The following PRKCB variants were observed in gnomAD, a reference collection of about 807,000 sequenced individuals.
PRKCB encodes the protein protein kinase C beta.
Under a neutral mutation model 81.5 loss-of-function variants are expected in PRKCB, and 13 were observed. That is an observed-to-expected ratio of 0.16 (90% CI 0.10 to 0.25). The LOEUF (loss-of-function observed/expected upper bound fraction) is 0.25. PRKCB is among the 10% of genes least tolerant of loss of function. The pLI is 1.00. For missense variants in PRKCB, 509 were observed against 875.7 expected (o/e 0.58, Z 5.29); for synonymous variants, 335 against 321.4 (o/e 1.04, Z -0.45).
At chr16:23,867,029 C>T (rs866542279) in intron 2 of PRKCB, among the ~76,000 whole-genome samples, 6 of 72,232 alleles carry the variant, frequency 8.3e-5, no homozygotes, top group African/African-American at 3.9e-4. Flanking sequence ...TCCTTCCTTC[C>T]TTCCTTCCTT....
chr16:23,946,024 A>C lies in PRKCB; in HGVS notation c.206-42484A>C, dbSNP rs376612087. ...TCATGTATATGACATACATCCTCTC[A>C]TTTTATGCTTGTAGCAACTCTGAAA... is the stretch of plus-strand genomic sequence containing the variant. On this transcript the variant is annotated intron_variant, in intron 2 of 16. Transcript: ENST00000643927. 3.9e-5 allele frequency among the ~76,000 whole-genome samples: 6 copies of C among 152,276 alleles called. No individual in the cohort carries two copies. In the South Asian group the frequency reaches 6.2e-4, roughly 16 times the overall value.
At chr16:24,126,806 GA>G (rs1966845140) in intron 9 of PRKCB, among the ~76,000 whole-genome samples, 1 of 151,868 alleles carries the variant, frequency 6.6e-6, no homozygotes, top group Non-Finnish European at 1.5e-5. Flanking sequence ...AAAGTGCTGG[GA>G]TTACAGACAT....
At chr16:24,046,744 G>C (rs1037868923) in intron 5 of PRKCB, among the ~76,000 whole-genome samples, 5 of 152,200 alleles carry the variant, frequency 3.3e-5, no homozygotes, top group African/African-American at 7.2e-5. Flanking sequence ...AGCCAGTTAG[G>C]CTTTGTGAGC....
At chr16:24,048,215 A>G (rs1211839875) in intron 5 of PRKCB, among the ~76,000 whole-genome samples, 1 of 152,138 alleles carries the variant, frequency 6.6e-6, no homozygotes, top group Non-Finnish European at 1.5e-5. Flanking sequence ...GTATAATCCT[A>G]TCAACAACCT....
chr16:24,193,468 T>TAATAA (rs1555501779), intron 16 of PRKCB, among the ~76,000 whole-genome samples: 1 of 103,554 alleles, frequency 9.7e-6, no homozygotes, highest in African/African-American at 4.1e-5. Context: ...AATAAATAAA[T>TAATAA]AAATAAATAA....
intron 9 of PRKCB, among the ~76,000 whole-genome samples, chr16:24,143,994 T>G (rs1362230396): frequency 6.6e-6 from 1 of 152,216 alleles, no homozygotes. Flanking sequence ...AAAACATTTC[T>G]CTTAGACCTA....
chr16:23,902,728 T>TCCTCCCTCCCTCCTTCCCTC lies in PRKCB; in HGVS notation c.205+65329_205+65330insCCCTCCTTCCCTCCCTCCCT, dbSNP rs1482776399. On this transcript the variant is annotated intron_variant, in intron 2 of 16. Coordinates refer to ENST00000643927, the MANE Select transcript of PRKCB (RefSeq NM_002738.7). Reference sequence around the variant, plus strand: ...CTCAAAAGTTTTTCCCTCCCTCCCTTCCTCCCTTCCTTCCTTCCTTCCTTC... The same window carrying TCCTCCCTCCCTCCTTCCCTC: ...CTCAAAAGTTTTTCCCTCCCTCCCTTCCTCCCTCCCTCCTTCCCTCCCTCCCTTCCTTCCTTCCTTCCTTC... Among the ~76,000 whole-genome samples the TCCTCCCTCCCTCCTTCCCTC allele has an allele frequency of 1.5e-4, 3 of 20,364 alleles. 1 individual carries two copies. The South Asian group carries it at 0.012, about 78-fold the overall frequency. The allele number at this position is 20,364 out of a possible 152,430, so 13.4% of individuals were successfully genotyped here. A position where few individuals can be genotyped will look rare whatever the true frequency, so the allele number is the denominator to read the frequency against.
At chr16:24,105,523 C>T (rs975216415) in intron 7 of PRKCB, among the ~76,000 whole-genome samples, 2 of 152,150 alleles carry the variant, frequency 1.3e-5, no homozygotes, top group African/African-American at 2.4e-5. Flanking sequence ...TTAATGCTCT[C>T]CCTCCCCTTG....
intron 2 of PRKCB, among the ~76,000 whole-genome samples, chr16:23,954,158 A>G (rs1246774467): frequency 6.6e-6 from 1 of 152,090 alleles, no homozygotes; most frequent in Non-Finnish European, 1.5e-5. Context: ...CATGTTGACC[A>G]GGCTGGTCTT....
chr16:24,043,634 A>G (rs1009959466), intron 5 of PRKCB, among the ~76,000 whole-genome samples: 1 of 152,066 alleles, frequency 6.6e-6, no homozygotes, highest in Non-Finnish European at 1.5e-5. Flanking sequence ...GGACCTAAGG[A>G]GATGTAGGGA....
At chr16:23,841,148 G>A (rs192037419) in intron 2 of PRKCB, among the ~76,000 whole-genome samples, 5 of 151,938 alleles carry the variant, frequency 3.3e-5, no homozygotes, top group East Asian at 1.9e-4. Context: ...GCACCATTTC[G>A]ACTCACGGTA....
chr16:24,035,260 T>G (rs868029011), intron 4 of PRKCB, among the ~76,000 whole-genome samples, 159 bp from the exon 5 acceptor site: 1 of 152,172 alleles, frequency 6.6e-6, no homozygotes, highest in Admixed American at 6.5e-5. Flanking sequence ...GCCCTTCTGA[T>G]GAGATCCTGG....
chr16:23,848,777 TA>T (rs1962421476), intron 2 of PRKCB, among the ~76,000 whole-genome samples: 4 of 152,330 alleles, frequency 2.6e-5, no homozygotes, highest in Admixed American at 2.0e-4. Context: ...TTTTCATAGC[TA>T]AAAGGATATA....
intron 9 of PRKCB, among the ~76,000 whole-genome samples, chr16:24,132,809 C>T (rs1253304679): frequency 7.1e-6 from 1 of 140,432 alleles, no homozygotes; most frequent in African/African-American, 2.7e-5. Context: ...GAGACAGGGT[C>T]TCACTCTGTC....
intron 2 of PRKCB, among the ~76,000 whole-genome samples, chr16:23,868,764 G>A (rs1962851667): frequency 6.6e-6 from 1 of 152,188 alleles, no homozygotes; most frequent in Non-Finnish European, 1.5e-5. Flanking sequence ...TGTGGGGATG[G>A]AGACTGGGGC....
chr16:23,994,801 T>C (rs1964933468), intron 3 of PRKCB, among the ~76,000 whole-genome samples: 1 of 152,254 alleles, frequency 6.6e-6, no homozygotes, highest in South Asian at 2.1e-4. Flanking sequence ...CAGAGCAGTT[T>C]TATTGCAGCT....
chr16:23,978,666 G>A (rs1048388909), intron 2 of PRKCB, among the ~76,000 whole-genome samples: 5 of 152,146 alleles, frequency 3.3e-5, no homozygotes, highest in Non-Finnish European at 7.4e-5. Flanking sequence ...AGAGATGAGA[G>A]TCAAGTTAGA....
Position 24,199,450 on chromosome 16 carries a change from A to AATCCAGAAAGTGTAACCTTTGT in PRKCB, c.1863+8223_1863+8244dup, listed in dbSNP as rs540976923. Among the ~76,000 whole-genome samples the AATCCAGAAAGTGTAACCTTTGT allele has an allele frequency of 9.6e-4, 146 of 152,266 alleles. No individual in the cohort carries two copies. In the East Asian group the frequency reaches 0.019, roughly 20 times the overall value. ...TTGATGTGCTGACATTTCTGAATTGAATCCAGAAAGTGTAACCTTTGTATG... is the reference window on the plus strand; with the variant it reads ...TTGATGTGCTGACATTTCTGAATTGAATCCAGAAAGTGTAACCTTTGTATCCAGAAAGTGTAACCTTTGTATG... On this transcript the variant is annotated intron_variant, in intron 16 of 16. Coordinates refer to ENST00000643927, the MANE Select transcript of PRKCB (RefSeq NM_002738.7).
In PRKCB at chr16:24,055,020, C is replaced by T. The variant is rs981512760; in HGVS notation, c.529+19473C>T. ...CGCCACAAACCCGATGGCAGCCTCT[C>T]TCTTTAGCTCATGACAATTTCTCCA... On this transcript the variant is annotated intron_variant, in intron 5 of 16. Transcript: ENST00000643927. Among the ~76,000 whole-genome samples the T allele has an allele frequency of 2.0e-5, 3 of 152,236 alleles. No homozygotes were observed. In the South Asian group the frequency reaches 6.2e-4, roughly 31 times the overall value.
Sources: gnomAD v4.1 joint callset for allele counts (sites outside exome capture counted in the v4.1 genomes callset) on GRCh38, gnomAD v4.1.1 for gene constraint, MANE v1.5 for transcripts, NCBI Gene and HGNC (gene_info 2026-07-23, HGNC 2026-07-21) for gene names.